CDH18: variants seen among roughly 807,000 people sequenced by gnomAD.
CDH18 encodes cadherin-18.
In CDH18, 31 loss-of-function variants were observed where a neutral mutation model predicts 67.9. The observed-to-expected ratio is 0.46, with a 90% CI of 0.34 to 0.62. CDH18 has a LOEUF of 0.62. Ranked by LOEUF, CDH18 falls within the 20% of genes least tolerant of loss-of-function variation. CDH18 has a pLI of 0.01. For synonymous variants in CDH18, 362 were observed against 347.2 expected (o/e 1.04, Z -0.48); for missense variants, 890 against 975.5 (o/e 0.91, Z 1.17).
At position 20,528,137 on chromosome 5, in the gene CDH18, T is replaced by G. The variant is rs367864097; in HGVS notation, c.-580+47325A>C. ...CTAGTTTCTGACAAAAGGTAGGCTT[T>G]AAACCAACAAATTTGTCAAAAAAGA... On this transcript the variant is annotated intron_variant, in intron 1 of 14. Coordinates refer to the CDH18 transcript ENST00000507958. 4.3e-4 allele frequency among the ~76,000 whole-genome samples: 66 copies of G among 152,066 alleles called. 1 individual carries two copies. Among genetic ancestry groups the G allele is most frequent in the African/African-American group, 1.5e-3 (62 of 41,424 alleles).
At chr5:20,042,150 T>A (rs1740482789) in intron 2 of CDH18, among the ~76,000 whole-genome samples, 3 of 152,166 alleles carry the variant, frequency 2.0e-5, no homozygotes. Flanking sequence ...AGAGTACCTT[T>A]TTTGCTTAAT....
At chr5:19,899,543 TG>T (rs1437483794) in intron 2 of CDH18, among the ~76,000 whole-genome samples, 1 of 152,184 alleles carries the variant, frequency 6.6e-6, no homozygotes, top group Admixed American at 6.5e-5. Flanking sequence ...TGGAAAAGAA[TG>T]AGGAGGCTCC....
intron 1 of CDH18, among the ~76,000 whole-genome samples, chr5:20,503,161 T>C (rs1754439216): frequency 1.4e-5 from 2 of 147,950 alleles, no homozygotes; most frequent in Non-Finnish European, 3.0e-5. Context: ...TTTCATAATA[T>C]CTATAATCTT....
chr5:20,285,088 T>A (rs1050309626), intron 1 of CDH18, among the ~76,000 whole-genome samples: 6 of 151,742 alleles, frequency 4.0e-5, no homozygotes, highest in African/African-American at 1.4e-4. Context: ...ATAAAGAGTA[T>A]ATTGGGGGCT....
At chr5:19,498,093 A>G (rs1742647145) in intron 11 of CDH18, among the ~76,000 whole-genome samples, 1 of 152,210 alleles carries the variant, frequency 6.6e-6, no homozygotes. Flanking sequence ...TTGTACCTCA[A>G]CTAAGGAATC....
At chr5:20,505,059 G>A (rs975841471) in intron 1 of CDH18, among the ~76,000 whole-genome samples, 1 of 151,430 alleles carries the variant, frequency 6.6e-6, no homozygotes, top group African/African-American at 2.4e-5. Context: ...CGGCCATCGC[G>A]CCTGGCCACA....
intron 9 of CDH18, among the ~76,000 whole-genome samples, chr5:19,537,104 G>T (rs1439267506): frequency 6.6e-6 from 1 of 152,142 alleles, no homozygotes; most frequent in South Asian, 2.1e-4. Flanking sequence ...ATTAGCATTT[G>T]CATCAGGAGA....
At chr5:19,723,704 AT>A (rs556864075) in intron 4 of CDH18, among the ~76,000 whole-genome samples, 4 of 152,044 alleles carry the variant, frequency 2.6e-5, no homozygotes, top group African/African-American at 9.6e-5. Flanking sequence ...TTTATTTTTT[AT>A]TTTTATTTTA....
intron 1 of CDH18, among the ~76,000 whole-genome samples, chr5:20,412,657 T>C (rs978113158): frequency 2.0e-5 from 3 of 152,006 alleles, no homozygotes; most frequent in Admixed American, 6.6e-5. Flanking sequence ...CAACAAAAAA[T>C]TGTATTAAAA....
At chr5:20,202,126 T>C (rs1240058121) in intron 2 of CDH18, among the ~76,000 whole-genome samples, 2 of 152,212 alleles carry the variant, frequency 1.3e-5, no homozygotes, top group East Asian at 1.9e-4. Flanking sequence ...CTTCTGGTGA[T>C]AGCATATGCT....
At chr5:19,826,675 G>A (rs546262619) in intron 3 of CDH18, among the ~76,000 whole-genome samples, 1 of 152,270 alleles carries the variant, frequency 6.6e-6, no homozygotes, top group Admixed American at 6.5e-5. Flanking sequence ...TTTCAGACAA[G>A]CAAATGCTAA....
chr5:19,872,391 T>G (rs1581731539), intron 2 of CDH18, among the ~76,000 whole-genome samples: 2 of 152,272 alleles, frequency 1.3e-5, no homozygotes. Context: ...GTTTAAAATT[T>G]TACAAATTTA....
At chr5:20,017,081 G>C (rs1372500705) in intron 2 of CDH18, among the ~76,000 whole-genome samples, 2 of 151,882 alleles carry the variant, frequency 1.3e-5, no homozygotes, top group East Asian at 3.9e-4. Flanking sequence ...AAATTGATGT[G>C]TTCTCTGAAA....
chr5:19,676,368 T>C (rs1241729411), intron 5 of CDH18, among the ~76,000 whole-genome samples: 1 of 152,000 alleles, frequency 6.6e-6, no homozygotes, highest in African/African-American at 2.4e-5. Flanking sequence ...CTATATAAGA[T>C]GACTGTTCCT....
chr5:20,468,899 A>G (rs1213285792), intron 1 of CDH18, among the ~76,000 whole-genome samples: 1 of 152,234 alleles, frequency 6.6e-6, no homozygotes, highest in Non-Finnish European at 1.5e-5. Context: ...AAAATACATT[A>G]ATCGAGGTGC....
intron 2 of CDH18, among the ~76,000 whole-genome samples, chr5:19,904,281 A>G (rs1790281643): frequency 1.3e-5 from 2 of 150,130 alleles, no homozygotes; most frequent in South Asian, 4.3e-4. Context: ...AAAAGAAAAG[A>G]AAAGAAGGAA....
intron 2 of CDH18, among the ~76,000 whole-genome samples, chr5:19,877,228 C>T (rs1226486307): frequency 7.9e-5 from 12 of 151,654 alleles, no homozygotes; most frequent in African/African-American, 2.9e-4. Flanking sequence ...AAAAAAAAAA[C>T]CTATATTAAA....
chr5:20,479,059 CA>C (rs1752621294), intron 1 of CDH18, among the ~76,000 whole-genome samples: 1 of 152,116 alleles, frequency 6.6e-6, no homozygotes, highest in South Asian at 2.1e-4. Flanking sequence ...GAGTGCTCCC[CA>C]AACCATATAT....
intron 5 of CDH18, among the ~76,000 whole-genome samples, chr5:19,698,703 T>C (rs887758270): frequency 3.9e-5 from 6 of 151,954 alleles, no homozygotes; most frequent in Admixed American, 3.3e-4. Flanking sequence ...AAAAATAATA[T>C]GTATACATAA....
Sources: allele counts gnomAD v4.1 joint callset (sites outside exome capture counted in the v4.1 genomes callset), GRCh38; gene constraint gnomAD v4.1.1; transcripts MANE v1.5; gene names NCBI Gene and HGNC (gene_info 2026-07-23, HGNC 2026-07-21).